Variants in RDX observed in about 807,000 individuals in gnomAD.
RDX encodes radixin.
RDX carries 32 observed loss-of-function variants against 83.7 expected under a neutral mutation model. That is an observed-to-expected ratio of 0.38 (90% CI 0.29 to 0.51). RDX has a LOEUF of 0.51. Among genes scored for constraint, RDX ranks in the 20% least tolerant of loss-of-function variants. RDX has a pLI of 0.87. For missense variants in RDX, 600 were observed against 689.9 expected (o/e 0.87, Z 1.46); for synonymous variants, 229 against 222.7 (o/e 1.03, Z -0.25).
At chr11:110,278,492 C>T (rs866034794) in intron 2 of RDX, among the ~76,000 whole-genome samples, 34 of 151,948 alleles carry the variant, frequency 2.2e-4, no homozygotes, top group African/African-American at 8.0e-4. Flanking sequence ...AGCATCTGTA[C>T]ATTTATTACT....
intron 5 of RDX, among the ~76,000 whole-genome samples, chr11:110,261,992 G>A (rs376370627): frequency 5.3e-5 from 8 of 151,930 alleles, no homozygotes; most frequent in African/African-American, 1.9e-4. Context: ...TGCTGTACTT[G>A]TTTAGATAAA....
At chr11:110,178,004 C>T (rs578261891) in intron 15 of RDX, among the ~76,000 whole-genome samples, 1 of 152,226 alleles carries the variant, frequency 6.6e-6, no homozygotes, top group East Asian at 1.9e-4. Context: ...ATGCAAAACT[C>T]CCCACACAGT....
rs1428169066 is a variant in RDX at position 110,237,509 on chromosome 11, T to G, written c.1234A>C (p.Lys412Gln). The G allele has an allele frequency of 6.2e-7, 1 of 1,612,672 alleles. No homozygotes were observed. ...AIAKQAADQM[K>Q]NQEQLAAELA... ...TTCCTTACTAGCTGCTCCTGATTCT[T>G]CATCTGGTCGGCAGCTTGTTTTGCT... is the stretch of plus-strand genomic sequence containing the variant. The change falls in exon 11 of 14, where the codon AAG becomes CAG. Residue 412 changes from lysine (K) to glutamine (Q), a missense_variant. Physicochemically the swap from Lys to Gln is moderately conservative, Grantham distance 53 (BLOSUM62 1). Transcript: ENST00000645495.
Position 110,189,243 on chromosome 11 carries a change from T to TAAAAAAAAAAAAAAAAAAAAAA in RDX, c.*31+10316_*31+10337dup, listed in dbSNP as rs35450797. Among the ~76,000 whole-genome samples, 66 of 35,594 alleles carry TAAAAAAAAAAAAAAAAAAAAAA rather than the reference T, an allele frequency of 1.9e-3. 3 individuals carry two copies. Among genetic ancestry groups the TAAAAAAAAAAAAAAAAAAAAAA allele is most frequent in the African/African-American group, 2.4e-3 (31 of 12,776 alleles). The allele number at this position is 35,594 out of a possible 152,430, so 23.4% of individuals were successfully genotyped here. ...AAACAAACTTTAAATGAACAACAGGTAAAAAAAAAAAAAAAAAAAAAAAAA... is the reference window on the plus strand; with the variant it reads ...AAACAAACTTTAAATGAACAACAGGTAAAAAAAAAAAAAAAAAAAAAAAAAAAAAAAAAAAAAAAAAAAAAAA... On this transcript the variant is annotated intron_variant, in intron 15 of 15. Transcript: ENST00000528498.
At chr11:110,254,691 G>A (rs1859474889) in intron 8 of RDX, among the ~76,000 whole-genome samples, 1 of 152,028 alleles carries the variant, frequency 6.6e-6, no homozygotes, top group South Asian at 2.1e-4. Flanking sequence ...GGCCAGGCTG[G>A]TCTTGAACTC....
intron 3 of RDX, among the ~76,000 whole-genome samples, chr11:110,271,997 A>G (rs1860328035): frequency 6.6e-6 from 1 of 152,248 alleles, no homozygotes; most frequent in African/African-American, 2.4e-5. Flanking sequence ...AAAGGATTTT[A>G]TAAAATTACC....
At chr11:110,181,317 C>G (rs1455578756) in intron 15 of RDX, among the ~76,000 whole-genome samples, 1 of 152,190 alleles carries the variant, frequency 6.6e-6, no homozygotes, top group African/African-American at 2.4e-5. Context: ...CACCCGCCAC[C>G]ACGCCCAGCT....
At chr11:110,188,425 G>T (rs533510756) in intron 15 of RDX, among the ~76,000 whole-genome samples, 4 of 151,966 alleles carry the variant, frequency 2.6e-5, no homozygotes, top group African/African-American at 7.3e-5. Flanking sequence ...AGCGAACATC[G>T]TATGTTCTCA....
chr11:110,175,308 G>A (rs939464529), intron 15 of RDX: 3 of 152,228 alleles, frequency 2.0e-5, no homozygotes, highest in Non-Finnish European at 4.4e-5. Context: ...GGTGTTTTTA[G>A]AGAAGGCCTA....
rs532650829 is a variant in RDX, at chr11:110,264,881, C to CACA, written c.97-10_97-8dup. On this transcript the variant is annotated splice_polypyrimidine_tract_variant and splice_region_variant and intron_variant, in intron 3 of 13. Coordinates refer to ENST00000645495, the MANE Select transcript of RDX (RefSeq NM_002906.4). ...AACCAACTGTTTTCACCACCTAAAA[C>CACA]ACAACAACAACAAAAAAACACAATT... is the stretch of plus-strand genomic sequence containing the variant. 9 of 1,611,172 alleles carry CACA rather than the reference C, an allele frequency of 5.6e-6. No homozygotes were observed. The African/African-American group carries it at 8.0e-5, about 14-fold the overall frequency.
chr11:110,243,564 A>G (rs564036705), intron 10 of RDX, among the ~76,000 whole-genome samples: 2 of 152,284 alleles, frequency 1.3e-5, no homozygotes, highest in Non-Finnish European at 2.9e-5. Flanking sequence ...CTAAAAATAT[A>G]AAAATTAGCC....
chr11:110,184,372 A>G (rs956781362), intron 15 of RDX, among the ~76,000 whole-genome samples: 1 of 152,254 alleles, frequency 6.6e-6, no homozygotes, highest in Non-Finnish European at 1.5e-5. Flanking sequence ...TCTCCCTGAC[A>G]TGGTGCCTAA....
At chr11:110,273,526 C>T (rs578245971) in intron 2 of RDX, among the ~76,000 whole-genome samples, 1 of 152,342 alleles carries the variant, frequency 6.6e-6, no homozygotes, top group Non-Finnish European at 1.5e-5. Context: ...CCTATACTCC[C>T]ACCTCAATCT....
At chr11:110,246,329 C>T (rs1160771125) in intron 10 of RDX, among the ~76,000 whole-genome samples, 2 of 152,202 alleles carry the variant, frequency 1.3e-5, no homozygotes, top group Non-Finnish European at 2.9e-5. Context: ...AATTATTCTA[C>T]TCATTGCTCA....
intron 1 of RDX, among the ~76,000 whole-genome samples, chr11:110,282,161 A>G (rs1400384487): frequency 4.6e-5 from 7 of 152,194 alleles, no homozygotes; most frequent in African/African-American, 1.7e-4. Flanking sequence ...CATTTCATAG[A>G]ACAATTTTAT....
Position 110,217,123 on chromosome 11 carries a change from C to T in RDX, c.1748+14750G>A, listed in dbSNP as rs573591795. 3.5e-4 allele frequency among the ~76,000 whole-genome samples: 53 copies of T among 152,310 alleles called. 2 individuals are homozygous for T. Among genetic ancestry groups the T allele is most frequent in the Admixed American group, 3.1e-3 (47 of 15,296 alleles). ...AAACAGAGGAACAAGAGGAGCTAGC[C>T]TTTTCCTCCTTCAGGTAGCAACTTA... is the stretch of plus-strand genomic sequence containing the variant. On this transcript the variant is annotated intron_variant, in intron 14 of 15. Transcript: ENST00000528498.
chr11:110,177,463 C>T (rs934739664), intron 15 of RDX, among the ~76,000 whole-genome samples: 3 of 152,246 alleles, frequency 2.0e-5, no homozygotes, highest in African/African-American at 4.8e-5. Context: ...ACAGAATTCA[C>T]TTCCCAGCTG....
intron 5 of RDX, among the ~76,000 whole-genome samples, chr11:110,260,346 C>T (rs1859751562): frequency 6.6e-6 from 1 of 152,168 alleles, no homozygotes; most frequent in African/African-American, 2.4e-5. Flanking sequence ...TTTAGTTCTC[C>T]TCATATTTGA....
At chr11:110,257,955 A>AT in intron 6 of RDX, 42 bp from the exon 7 acceptor site, 1 of 1,588,020 alleles carries the variant, frequency 6.3e-7, no homozygotes, top group Non-Finnish European at 8.6e-7. Context: ...AAGTAGGAGC[A>AT]TATCAAACTA....
Sources: gnomAD v4.1 joint callset for allele counts (sites outside exome capture counted in the v4.1 genomes callset) on GRCh38, gnomAD v4.1.1 for gene constraint, MANE v1.5 for transcripts, NCBI Gene and HGNC (gene_info 2026-07-23, HGNC 2026-07-21) for gene names.